FAAH2: variants seen among roughly 807,000 people sequenced by gnomAD.
FAAH2 encodes fatty acid amide hydrolase 2, also known as fatty-acid amide hydrolase 2.
FAAH2 carries 60 observed loss-of-function variants against 36.9 expected under a neutral mutation model. The observed-to-expected ratio is 1.63, with a 90% CI of 1.32 to 2.02. FAAH2 has a LOEUF of 2.02. FAAH2 is among the 30% of genes most tolerant of loss of function. The probability of loss-of-function intolerance (pLI) is 0.00; values close to 1 mark genes in which losing one functional copy is unlikely to be tolerated. For synonymous variants in FAAH2, 214 were observed against 143.8 expected (o/e 1.49, Z -3.49); for missense variants, 689 against 397.5 (o/e 1.73, Z -6.23).
the FAAH2 span, among the ~76,000 whole-genome samples, chrX:57,266,055 G>C: frequency 9.0e-6 from 1 of 111,678 alleles, no homozygotes; most frequent in South Asian, 3.8e-4. Flanking sequence ...CAGAGTGTTT[G>C]AGGTGACTGG....
the FAAH2 span, among the ~76,000 whole-genome samples, chrX:57,163,984 A>G: frequency 1.8e-5 from 2 of 112,524 alleles, no homozygotes; most frequent in Non-Finnish European, 3.7e-5. Flanking sequence ...AATATTAGGT[A>G]TAATAACTAT....
chrX:57,305,401 A>G (rs994264258), intron 2 of FAAH2, among the ~76,000 whole-genome samples: 3 of 111,542 alleles, frequency 2.7e-5, no homozygotes, highest in African/African-American at 9.8e-5. Context: ...AATATTTTAT[A>G]AGAGTTCTAC....
chrX:57,282,314 C>T (rs1379363484), upstream of FAAH2, among the ~76,000 whole-genome samples: 3 of 111,724 alleles, frequency 2.7e-5, no homozygotes, highest in Non-Finnish European at 3.8e-5. Flanking sequence ...ATTTCTCTGA[C>T]GATTAGTGAT....
chrX:57,333,654 T>G lies in FAAH2; in HGVS notation c.622+1847T>G, dbSNP rs1263948472. 2.7e-5 allele frequency among the ~76,000 whole-genome samples: 3 copies of G among 110,418 alleles called. No individual in the cohort carries two copies. In the Admixed American group the frequency reaches 2.9e-4, roughly 11 times the overall value. On this transcript the variant is annotated intron_variant, in intron 4 of 10. Transcript: ENST00000374900. ...ATCTTTGATGGGCTCATCAATATAT[T>G]GTATACAAAACAGGAAACCTTCGGT...
At chrX:57,321,877 T>C (rs1042877784) in intron 3 of FAAH2, among the ~76,000 whole-genome samples, 2 of 112,030 alleles carry the variant, frequency 1.8e-5, no homozygotes, top group African/African-American at 6.5e-5. Flanking sequence ...TCTGTAGTGG[T>C]TTGTAATTAC....
Position 57,305,777 on chromosome X carries a change from C to T in FAAH2, c.276-4816C>T, listed in dbSNP as rs150118009. 4.3e-3 allele frequency among the ~76,000 whole-genome samples: 478 copies of T among 111,355 alleles called. 3 individuals carry two copies. Among genetic ancestry groups the T allele is most frequent in the African/African-American group, 0.015 (458 of 30,643 alleles). On this transcript the variant is annotated intron_variant, in intron 2 of 10. Transcript: ENST00000374900. ...ATTTTTGCCATTCATCTGAAGGGTC[C>T]CTTCTAGTTCAGTCCAGCTTTTTGA...
chrX:57,133,108 T>A, the FAAH2 span, among the ~76,000 whole-genome samples: 1 of 111,850 alleles, frequency 8.9e-6, no homozygotes, highest in East Asian at 2.8e-4. Flanking sequence ...CTATCTAGTT[T>A]CAGCTTCCCT....
the FAAH2 span, among the ~76,000 whole-genome samples, chrX:57,237,858 T>A: frequency 4.1e-3 from 456 of 111,453 alleles, 1 homozygote; most frequent in African/African-American, 0.015. Context: ...CAGACACTTT[T>A]CAAAAGAAGG....
At chrX:57,186,416 T>C in the FAAH2 span, among the ~76,000 whole-genome samples, 2 of 112,149 alleles carry the variant, frequency 1.8e-5, no homozygotes, top group Admixed American at 1.9e-4. Context: ...TTGATGTTTT[T>C]TCTTCTTGTA....
chrX:57,451,614 C>A, intron 10 of FAAH2, among the ~76,000 whole-genome samples: 1 of 111,274 alleles, frequency 9.0e-6, no homozygotes, highest in South Asian at 3.8e-4. Context: ...CAATGGTCCA[C>A]GCAGTACGAA....
intron 10 of FAAH2, among the ~76,000 whole-genome samples, chrX:57,465,617 T>G (rs1322806494): frequency 1.8e-5 from 2 of 110,926 alleles, no homozygotes; most frequent in Admixed American, 1.9e-4. Context: ...AATAAAAACC[T>G]TTGCAGATAA....
intron 7 of FAAH2, among the ~76,000 whole-genome samples, chrX:57,390,398 T>C (rs952599514): frequency 2.7e-5 from 3 of 111,542 alleles, no homozygotes; most frequent in East Asian, 2.8e-4. Context: ...ATATATTGTG[T>C]AATGGTGAAG....
At chrX:57,187,639 G>T in the FAAH2 span, among the ~76,000 whole-genome samples, 2 of 111,173 alleles carry the variant, frequency 1.8e-5, no homozygotes, top group African/African-American at 6.5e-5. Context: ...TCCTTATCTT[G>T]TGATGGTTTT....
intron 4 of FAAH2, among the ~76,000 whole-genome samples, chrX:57,334,552 A>C (rs2053495882): frequency 9.0e-6 from 1 of 111,285 alleles, no homozygotes. Flanking sequence ...GATTGAACAA[A>C]GGTAAAATAA....
chrX:57,142,160 T>C, the FAAH2 span, among the ~76,000 whole-genome samples: 1 of 112,206 alleles, frequency 8.9e-6, no homozygotes, highest in Non-Finnish European at 1.9e-5. Flanking sequence ...GTTTGATTTG[T>C]TCTTAATTTT....
At chrX:57,163,542 G>T in the FAAH2 span, among the ~76,000 whole-genome samples, 1 of 112,127 alleles carries the variant, frequency 8.9e-6, no homozygotes, top group Non-Finnish European at 1.9e-5. Flanking sequence ...CTCTGAGCCA[G>T]GTGCGAGATA....
chrX:57,176,940 T>C, the FAAH2 span, among the ~76,000 whole-genome samples: 2 of 110,703 alleles, frequency 1.8e-5, no homozygotes, highest in South Asian at 7.7e-4. Context: ...CGTGAGCAAG[T>C]TCTCCATCTC....
In FAAH2 at chrX:57,489,060, G is replaced by T. The variant is rs1195318646; in HGVS notation, c.*128G>T. Reference sequence around the variant, plus strand: ...ACTGGGGAATTTATTGACTCATTTAGTTATTCTTTCTACTTTTATTTCCTT... The same window carrying T: ...ACTGGGGAATTTATTGACTCATTTATTTATTCTTTCTACTTTTATTTCCTT... On this transcript the variant is annotated 3_prime_UTR_variant, in exon 11 of 11. Transcript: ENST00000374900. The T allele has an allele frequency of 3.0e-5, 20 of 676,700 alleles. No homozygotes were observed. Among genetic ancestry groups the T allele is most frequent in the Non-Finnish European group, 4.0e-5 (19 of 480,575 alleles). The allele number at this position is 676,700 out of a possible 1,213,427, so 55.8% of individuals were successfully genotyped here.
the FAAH2 span, among the ~76,000 whole-genome samples, chrX:57,194,207 T>C: frequency 6.4e-4 from 71 of 111,795 alleles, no homozygotes; most frequent in African/African-American, 2.2e-3. Context: ...TCATTACTTC[T>C]TATTTGTTTG....
Sources: allele counts gnomAD v4.1 joint callset (sites outside exome capture counted in the v4.1 genomes callset), GRCh38; gene constraint gnomAD v4.1.1; transcripts MANE v1.5; gene names NCBI Gene and HGNC (gene_info 2026-07-23, HGNC 2026-07-21).